Variants in CNTNAP2 observed in about 807,000 individuals in gnomAD.
CNTNAP2 encodes contactin-associated protein-like 2.
Under a neutral mutation model 155.2 loss-of-function variants are expected in CNTNAP2, and 98 were observed. The ratio of observed to expected loss-of-function variants is 0.63; its 90% CI spans 0.54 to 0.75. The LOEUF is 0.75. Ranked by LOEUF, CNTNAP2 falls within the 30% of genes least tolerant of loss-of-function variation. The probability of loss-of-function intolerance (pLI) is 0.00; values close to 1 mark genes in which losing one functional copy is unlikely to be tolerated. For synonymous variants in CNTNAP2, 651 were observed against 631.2 expected (o/e 1.03, Z -0.47); for missense variants, 1,727 against 1,688.1 (o/e 1.02, Z -0.40).
At chr7:147,972,413 T>A (rs1002396208) in intron 14 of CNTNAP2, among the ~76,000 whole-genome samples, 5 of 152,230 alleles carry the variant, frequency 3.3e-5, no homozygotes, top group African/African-American at 1.2e-4. Flanking sequence ...TGTTTATTTT[T>A]CTTTAGGGCT....
intron 13 of CNTNAP2, among the ~76,000 whole-genome samples, chr7:147,861,430 A>G (rs1799130767): frequency 6.6e-6 from 1 of 152,214 alleles, no homozygotes. Flanking sequence ...AAATGCAGAT[A>G]AATCTCCATG....
At chr7:146,691,863 C>A (rs983538396) in intron 1 of CNTNAP2, among the ~76,000 whole-genome samples, 5 of 152,002 alleles carry the variant, frequency 3.3e-5, no homozygotes, top group African/African-American at 7.2e-5. Context: ...ATAAAATGGG[C>A]AAATTCAGTG....
intron 3 of CNTNAP2, among the ~76,000 whole-genome samples, chr7:146,931,626 C>CA (rs1289702830): frequency 5.3e-5 from 8 of 150,590 alleles, no homozygotes; most frequent in East Asian, 3.9e-4. Context: ...AAAAACCCTT[C>CA]AAAAAATTAA....
At chr7:147,624,365 G>A (rs949487165) in intron 12 of CNTNAP2, among the ~76,000 whole-genome samples, 41 of 152,058 alleles carry the variant, frequency 2.7e-4, no homozygotes, top group African/African-American at 9.2e-4. Flanking sequence ...ATCTGAGATG[G>A]TGTTAATAAC....
intron 1 of CNTNAP2, among the ~76,000 whole-genome samples, chr7:146,459,396 G>T (rs1417313171): frequency 6.6e-6 from 1 of 152,110 alleles, no homozygotes; most frequent in Middle Eastern, 3.2e-3. Context: ...AGCTCCAATT[G>T]CAAGAGTGAT....
intron 1 of CNTNAP2, among the ~76,000 whole-genome samples, chr7:146,747,573 C>T (rs1353520071): frequency 6.6e-6 from 1 of 152,096 alleles, no homozygotes; most frequent in East Asian, 1.9e-4. Context: ...TCAGTGCAAA[C>T]ATCAATATAT....
chr7:147,640,105 T>C (rs1437052558), intron 13 of CNTNAP2, among the ~76,000 whole-genome samples: 1 of 152,154 alleles, frequency 6.6e-6, no homozygotes, highest in South Asian at 2.1e-4. Flanking sequence ...TTGACCTCTT[T>C]TTAAAATTTT....
intron 9 of CNTNAP2, among the ~76,000 whole-genome samples, chr7:147,351,218 C>A (rs1795963406): frequency 6.6e-6 from 1 of 151,624 alleles, no homozygotes; most frequent in South Asian, 2.1e-4. Flanking sequence ...TACTAATTTA[C>A]CTCTTTATGA....
At chr7:146,922,715 C>T (rs1239771976) in intron 3 of CNTNAP2, among the ~76,000 whole-genome samples, 2 of 152,092 alleles carry the variant, frequency 1.3e-5, no homozygotes, top group Non-Finnish European at 2.9e-5. Context: ...TCTAATTTCT[C>T]ATTTGTAAAT....
chr7:146,721,889 A>ATATATTTTTTTTTTTTTTTTTTTTTTT, intron 1 of CNTNAP2, among the ~76,000 whole-genome samples: 2 of 69,738 alleles, frequency 2.9e-5, no homozygotes, highest in Non-Finnish European at 4.8e-5. Flanking sequence ...ATATATATAT[A>ATATATTTTTTTTTTTTTTTTTTTTTTT]TTTTTTTTTT....
chr7:148,062,573 A>G (rs1230382863), intron 15 of CNTNAP2, among the ~76,000 whole-genome samples: 1 of 152,180 alleles, frequency 6.6e-6, no homozygotes, highest in Admixed American at 6.5e-5. Flanking sequence ...AAGAACACAC[A>G]TTCTTCTAAG....
At chr7:147,557,892 T>C (rs1799981614) in intron 11 of CNTNAP2, among the ~76,000 whole-genome samples, 1 of 152,146 alleles carries the variant, frequency 6.6e-6, no homozygotes, top group Admixed American at 6.5e-5. Flanking sequence ...ATTTTACAGT[T>C]GAAAAAACCA....
chr7:147,439,037 CT>C (rs1255265233), intron 10 of CNTNAP2, among the ~76,000 whole-genome samples: 1 of 151,938 alleles, frequency 6.6e-6, no homozygotes, highest in Non-Finnish European at 1.5e-5. Flanking sequence ...AAAAAACCAA[CT>C]TTTTATTTCA....
At chr7:147,313,282 C>A (rs1795159638) in intron 9 of CNTNAP2, among the ~76,000 whole-genome samples, 1 of 151,898 alleles carries the variant, frequency 6.6e-6, no homozygotes. Flanking sequence ...TCCCATTTAT[C>A]AATTTTGGCT....
At chr7:148,261,136 G>A (rs1421065353) in intron 20 of CNTNAP2, among the ~76,000 whole-genome samples, 1 of 151,432 alleles carries the variant, frequency 6.6e-6, no homozygotes, top group Admixed American at 6.6e-5. Context: ...GAAAAGGGGA[G>A]GTCAGAGTGT....
intron 1 of CNTNAP2, among the ~76,000 whole-genome samples, chr7:146,199,437 G>A (rs189523900): frequency 9.3e-4 from 142 of 152,252 alleles, no homozygotes; most frequent in Non-Finnish European, 1.8e-3. Flanking sequence ...GAACAAATGA[G>A]ATAGGAAGGA....
chr7:146,881,185 T>C (rs1795543296), intron 3 of CNTNAP2, among the ~76,000 whole-genome samples: 1 of 152,140 alleles, frequency 6.6e-6, no homozygotes, highest in Non-Finnish European at 1.5e-5. Flanking sequence ...CACGTTACTC[T>C]AGATCTTAGG....
In CNTNAP2 at chr7:147,640,146, C is replaced by A. The variant is rs527790875; in HGVS notation, c.2098+840C>A. On this transcript the variant is annotated intron_variant, in intron 13 of 23. Coordinates refer to ENST00000361727, the MANE Select transcript of CNTNAP2 (RefSeq NM_014141.6). The stretch of plus-strand genomic sequence containing the variant: ...AATTGACAAAATTGTATATGTCTTT[C>A]GTGTACAATATGATATGATATATAT... Among the ~76,000 whole-genome samples the A allele has an allele frequency of 8.6e-5, 13 of 151,566 alleles. No homozygotes were observed. In the South Asian group the frequency reaches 2.5e-3, roughly 29 times the overall value.
At chr7:147,819,423 T>C (rs966561326) in intron 13 of CNTNAP2, among the ~76,000 whole-genome samples, 2 of 152,216 alleles carry the variant, frequency 1.3e-5, no homozygotes, top group African/African-American at 4.8e-5. Flanking sequence ...CCCATCTAAA[T>C]AATGAATTCT....
Sources: gnomAD v4.1 joint callset for allele counts (sites outside exome capture counted in the v4.1 genomes callset) on GRCh38, gnomAD v4.1.1 for gene constraint, MANE v1.5 for transcripts, NCBI Gene and HGNC (gene_info 2026-07-23, HGNC 2026-07-21) for gene names.